The following LRRC20 variants were observed in gnomAD, a reference collection of about 807,000 sequenced individuals.
LRRC20 encodes leucine-rich repeat-containing protein 20.
Under a neutral mutation model 14.4 loss-of-function variants are expected in LRRC20, and 11 were observed. The ratio of observed to expected loss-of-function variants is 0.77; its 90% CI spans 0.48 to 1.27. LRRC20 has a LOEUF of 1.27. Ranked by LOEUF, LRRC20 falls within the 50% of genes most tolerant of loss-of-function variation. The pLI, the probability that LRRC20 is intolerant of heterozygous loss-of-function variation, is 0.00. For missense variants in LRRC20, 219 were observed against 251.2 expected (o/e 0.87, Z 0.87); for synonymous variants, 121 against 107.3 (o/e 1.13, Z -0.79).
chr10:70,335,108 G>A (rs1433116243), intron 3 of LRRC20, among the ~76,000 whole-genome samples: 1 of 152,136 alleles, frequency 6.6e-6, no homozygotes, highest in African/African-American at 2.4e-5. Context: ...CGGAGTTTAT[G>A]GCTGGCTGGC....
intron 2 of LRRC20, among the ~76,000 whole-genome samples, chr10:70,363,799 C>A (rs1294079971): frequency 6.6e-6 from 1 of 151,422 alleles, no homozygotes; most frequent in Non-Finnish European, 1.5e-5. Context: ...CCAGACAGAG[C>A]AAGTCTAGAG....
chr10:70,368,157 C>CTT (rs373588441), intron 2 of LRRC20, among the ~76,000 whole-genome samples: 5,714 of 102,758 alleles, frequency 0.056, 433 homozygotes, highest in African/African-American at 0.13. Flanking sequence ...CTAATTTTTG[C>CTT]TTTTTTTTTT....
intron 4 of LRRC20, 84 bp downstream of exon 4, chr10:70,323,779 A>G (rs1262623404): frequency 6.8e-7 from 1 of 1,465,216 alleles, no homozygotes; most frequent in Non-Finnish European, 9.4e-7. Flanking sequence ...TTCTCCTCCC[A>G]CCTGTGAAGG....
intron 1 of LRRC20, among the ~76,000 whole-genome samples, chr10:70,381,027 GGCTCCCAGATTACTGAGGAAGGGAACT>G (rs1298714919): frequency 2.0e-5 from 3 of 152,224 alleles, no homozygotes; most frequent in Non-Finnish European, 4.4e-5. Flanking sequence ...GGAGCCAATG[GGCTCCCAGATTACTGAGGAAGGGAACT>G]GCAGCCCTCT....
intron 4 of LRRC20, among the ~76,000 whole-genome samples, chr10:70,304,470 T>TTATCTATATATATATA (rs1293891046): frequency 1.8e-4 from 21 of 113,824 alleles, no homozygotes; most frequent in African/African-American, 5.4e-4. Flanking sequence ...GGCCACTTCT[T>TTATCTATATATATATA]TATATATATA....
chr10:70,308,520 T>G (rs1230806610), intron 4 of LRRC20, among the ~76,000 whole-genome samples: 3 of 152,150 alleles, frequency 2.0e-5, no homozygotes, highest in African/African-American at 7.2e-5. Flanking sequence ...AGGGGCCCAG[T>G]CCACGGCCTT....
intron 1 of LRRC20, among the ~76,000 whole-genome samples, chr10:70,378,083 C>T (rs1359385398): frequency 6.6e-6 from 1 of 152,084 alleles, no homozygotes; most frequent in Non-Finnish European, 1.5e-5. Flanking sequence ...TAGCTCAGAG[C>T]CCAGGACACG....
intron 2 of LRRC20, among the ~76,000 whole-genome samples, chr10:70,353,734 T>A (rs975054717): frequency 1.3e-5 from 2 of 152,166 alleles, no homozygotes; most frequent in African/African-American, 4.8e-5. Flanking sequence ...GAGTCTTGGT[T>A]AGTAAGCTGC....
chr10:70,321,535 G>T (rs1029386999), intron 4 of LRRC20, among the ~76,000 whole-genome samples: 1 of 152,210 alleles, frequency 6.6e-6, no homozygotes, highest in Non-Finnish European at 1.5e-5. Flanking sequence ...TCTCTAGCTC[G>T]GGGGCAGGGG....
At chr10:70,376,363 G>A (rs994504273) in intron 2 of LRRC20, 89 bp downstream of exon 2, 1 of 1,327,482 alleles carries the variant, frequency 7.5e-7, no homozygotes, top group Non-Finnish European at 1.1e-6. Flanking sequence ...GTTGCACACT[G>A]ACGCTTGTGT....
intron 3 of LRRC20, among the ~76,000 whole-genome samples, chr10:70,328,877 C>T (rs1438573110): frequency 6.6e-6 from 1 of 152,228 alleles, no homozygotes; most frequent in Non-Finnish European, 1.5e-5. Context: ...AAGATCCTGC[C>T]ACTGCACTCC....
chr10:70,319,684 T>C (rs1003796788), intron 4 of LRRC20, among the ~76,000 whole-genome samples: 2 of 152,224 alleles, frequency 1.3e-5, no homozygotes, highest in Non-Finnish European at 2.9e-5. Flanking sequence ...CCCCTCCTTC[T>C]TCAGAAATGA....
intron 4 of LRRC20, among the ~76,000 whole-genome samples, chr10:70,319,638 T>C (rs12782697): frequency 0.14 from 21,413 of 152,180 alleles, 1,619 homozygotes; most frequent in South Asian, 0.19. Flanking sequence ...TGTAAGCAAC[T>C]TGAGGTTGAG....
chr10:70,331,972 G>A lies in LRRC20; in HGVS notation c.233-7942C>T, dbSNP rs1408456186. Among the ~76,000 whole-genome samples, 5 of 152,150 alleles carry A rather than the reference G, an allele frequency of 3.3e-5. No individual in the cohort carries two copies. The East Asian group carries it at 9.6e-4, about 29-fold the overall frequency. On this transcript the variant is annotated intron_variant, in intron 3 of 4. Coordinates refer to ENST00000446961, the MANE Select transcript of LRRC20 (RefSeq NM_001278212.2). ...GAGAGAAGCTTGCCAATTCCATTAG[G>A]GGACAGACAAGGCTGGCCTGCAGTA...
chr10:70,372,731 T>C (rs183875141), intron 2 of LRRC20, among the ~76,000 whole-genome samples: 120 of 152,096 alleles, frequency 7.9e-4, no homozygotes, highest in Middle Eastern at 3.4e-3. Flanking sequence ...TGTGAGCCAC[T>C]GCGCCCGGCC....
rs553445362 is a variant in LRRC20, at chr10:70,335,362, G to A, written c.232+5191C>T. On this transcript the variant is annotated intron_variant, in intron 3 of 4. Transcript: ENST00000446961. ...TCTCCATGGAGGCCCCAGGCTGGCC[G>A]ACTGGAGCAACCCACCTCCCAGTCC... Among the ~76,000 whole-genome samples the A allele has an allele frequency of 5.9e-5, 9 of 152,252 alleles. No homozygotes were observed. The East Asian group carries it at 1.7e-3, about 29-fold the overall frequency.
intron 2 of LRRC20, among the ~76,000 whole-genome samples, chr10:70,352,984 A>G (rs1843372157): frequency 1.3e-5 from 2 of 152,118 alleles, no homozygotes; most frequent in African/African-American, 4.8e-5. Context: ...CAGAAACTTC[A>G]ATCCTCATGG....
intron 2 of LRRC20, among the ~76,000 whole-genome samples, chr10:70,365,356 C>T (rs1027244239): frequency 5.3e-5 from 8 of 152,142 alleles, no homozygotes; most frequent in Non-Finnish European, 1.0e-4. Flanking sequence ...CCGCGCCCGG[C>T]GAGATTCAAC....
At chr10:70,319,700 C>T (rs1842004349) in intron 4 of LRRC20, among the ~76,000 whole-genome samples, 1 of 152,200 alleles carries the variant, frequency 6.6e-6, no homozygotes, top group Non-Finnish European at 1.5e-5. Flanking sequence ...AATGACATTT[C>T]CCAGGTGGGC....
Sources: gnomAD v4.1 joint callset for allele counts (sites outside exome capture counted in the v4.1 genomes callset) on GRCh38, gnomAD v4.1.1 for gene constraint, MANE v1.5 for transcripts, NCBI Gene and HGNC (gene_info 2026-07-23, HGNC 2026-07-21) for gene names.